Variants in ITGA8 observed in about 807,000 individuals in gnomAD.
The protein encoded by ITGA8 is integrin alpha-8.
A neutral mutation model predicts 142.3 loss-of-function variants in ITGA8; 91 were observed. The ratio of observed to expected loss-of-function variants is 0.64; its 90% CI spans 0.54 to 0.76. The LOEUF (loss-of-function observed/expected upper bound fraction) is 0.76, where lower values mean the gene tolerates loss of function less well. Ranked by LOEUF, ITGA8 falls within the 30% of genes least tolerant of loss-of-function variation. ITGA8 has a pLI of 0.00. For synonymous variants in ITGA8, 505 were observed against 485.2 expected, an observed-to-expected ratio of 1.04 and a Z score of -0.54; for missense variants, 1,406 against 1,327.7, an observed-to-expected ratio of 1.06 and a Z score of -0.92.
intron 6 of ITGA8, among the ~76,000 whole-genome samples, chr10:15,673,433 T>C (rs1421823369): frequency 1.3e-5 from 2 of 152,170 alleles, no homozygotes; most frequent in Non-Finnish European, 2.9e-5. Context: ...AGCTTTGAGA[T>C]CATTTGGTCA....
intron 2 of ITGA8, among the ~76,000 whole-genome samples, chr10:15,712,336 C>G (rs917562445): frequency 2.6e-5 from 4 of 152,130 alleles, no homozygotes; most frequent in African/African-American, 7.2e-5. Context: ...AATCCCAGCA[C>G]TTTGAGAGGC....
At chr10:15,587,786 G>C (rs1411613823) in intron 22 of ITGA8, among the ~76,000 whole-genome samples, 1 of 152,110 alleles carries the variant, frequency 6.6e-6, no homozygotes, top group African/African-American at 2.4e-5. Context: ...TAAGTTTGCT[G>C]GGGTTTTTTC....
intron 23 of ITGA8, among the ~76,000 whole-genome samples, chr10:15,576,721 G>T (rs1364548002): frequency 6.6e-6 from 1 of 152,158 alleles, no homozygotes; most frequent in East Asian, 1.9e-4. Flanking sequence ...TCTTTGGTTT[G>T]TGTACCACAA....
At chr10:15,634,049 C>T (rs929230091) in intron 13 of ITGA8, among the ~76,000 whole-genome samples, 2 of 152,152 alleles carry the variant, frequency 1.3e-5, no homozygotes, top group Non-Finnish European at 2.9e-5. Flanking sequence ...ATGCTGTGTT[C>T]CCCTTCTGAG....
chr10:15,592,387 C>T (rs1045331941), intron 21 of ITGA8, 83 bp from the exon 22 acceptor site: 6 of 988,056 alleles, frequency 6.1e-6, no homozygotes, highest in Non-Finnish European at 6.2e-6. Flanking sequence ...AAAACCCCAC[C>T]CTGGATCACT....
rs886639724 is a variant in ITGA8, at chr10:15,605,915, C to T, written c.1903-124G>A. On this transcript the variant is annotated intron_variant, in intron 18 of 29. Coordinates refer to ENST00000378076, the MANE Select transcript of ITGA8 (RefSeq NM_003638.3). ...TTTCCTCTCACTATGCATGACTCTA[C>T]CCAAGCCAATAGCCTACATTTCACA... 5.0e-6 allele frequency: 4 copies of T among 804,664 alleles called. No individual in the cohort carries two copies. In the African/African-American group the frequency reaches 6.9e-5, roughly 14 times the overall value. The allele number at this position is 804,664 out of a possible 1,614,324, so 49.8% of individuals were successfully genotyped here.
In ITGA8 at chr10:15,598,274, G is replaced by A. The variant is rs529224882; in HGVS notation, c.2119-975C>T. ...AATTTCTGTCCCTGTGATAGGTTCG[G>A]AAGAGGGTTCTCAATATAATGACCA... is the stretch of plus-strand genomic sequence containing the variant. On this transcript the variant is annotated intron_variant, in intron 20 of 29. Coordinates refer to ENST00000378076, the MANE Select transcript of ITGA8 (RefSeq NM_003638.3). 5.9e-5 allele frequency among the ~76,000 whole-genome samples: 9 copies of A among 152,302 alleles called. No homozygotes were observed. The East Asian group carries it at 1.2e-3, about 20-fold the overall frequency.
intron 12 of ITGA8, 79 bp downstream of exon 12, chr10:15,646,767 A>C: frequency 9.7e-7 from 1 of 1,035,846 alleles, no homozygotes; most frequent in Non-Finnish European, 1.5e-6. Context: ...CACCATACTG[A>C]ATACTTTAAA....
intron 20 of ITGA8, among the ~76,000 whole-genome samples, chr10:15,602,108 C>T (rs1050126820): frequency 3.3e-5 from 5 of 152,180 alleles, no homozygotes; most frequent in African/African-American, 1.2e-4. Context: ...GCTAAAAGAA[C>T]ATTTTAGAAT....
intron 28 of ITGA8, among the ~76,000 whole-genome samples, chr10:15,526,006 C>T (rs1366149564): frequency 2.0e-5 from 3 of 152,086 alleles, no homozygotes; most frequent in Non-Finnish European, 4.4e-5. Context: ...ATACTATCTA[C>T]TGCTTCAGTT....
chr10:15,645,024 G>A (rs1364594114), intron 12 of ITGA8, among the ~76,000 whole-genome samples: 1 of 149,766 alleles, frequency 6.7e-6, no homozygotes, highest in Non-Finnish European at 1.5e-5. Flanking sequence ...CCTGGGAGGT[G>A]GAGGTTGTGG....
At chr10:15,700,250 C>T (rs554223405) in intron 2 of ITGA8, among the ~76,000 whole-genome samples, 2 of 152,210 alleles carry the variant, frequency 1.3e-5, no homozygotes, top group South Asian at 2.1e-4. Context: ...TTTATAGTTC[C>T]ACCTCTGCAA....
intron 25 of ITGA8, 77 bp downstream of exon 25, chr10:15,572,134 T>A: frequency 7.8e-7 from 1 of 1,283,260 alleles, no homozygotes; most frequent in Non-Finnish European, 1.1e-6. Flanking sequence ...TCTTCTTTTT[T>A]AAACAAGCCC....
intron 8 of ITGA8, among the ~76,000 whole-genome samples, chr10:15,664,605 T>G (rs1211246650): frequency 6.6e-6 from 1 of 151,886 alleles, no homozygotes; most frequent in African/African-American, 2.4e-5. Context: ...CATGTTGGTG[T>G]GCTGCACCCA....
intron 13 of ITGA8, among the ~76,000 whole-genome samples, chr10:15,627,832 C>A (rs1455170021): frequency 1.3e-5 from 2 of 150,514 alleles, no homozygotes; most frequent in Non-Finnish European, 2.9e-5. Context: ...GGGCTGCATT[C>A]CCAGGTTAGT....
chr10:15,548,389 C>T, intron 27 of ITGA8, 66 bp downstream of exon 27: 1 of 1,089,902 alleles, frequency 9.2e-7, no homozygotes, highest in Non-Finnish European at 1.4e-6. Flanking sequence ...AAAAGACTTC[C>T]CACTGAGCTT....
At chr10:15,715,654 G>A (rs2131743225) in intron 2 of ITGA8, among the ~76,000 whole-genome samples, 1 of 152,350 alleles carries the variant, frequency 6.6e-6, no homozygotes, top group South Asian at 2.1e-4. Context: ...GTAGCGATCT[G>A]TAAATGGGAT....
intron 2 of ITGA8, among the ~76,000 whole-genome samples, chr10:15,700,184 A>T (rs911741554): frequency 1.3e-5 from 2 of 152,212 alleles, no homozygotes; most frequent in Non-Finnish European, 2.9e-5. Context: ...TTATTTCAAT[A>T]TGAAAAGCCA....
intron 2 of ITGA8, among the ~76,000 whole-genome samples, chr10:15,692,463 A>G (rs1018816884): frequency 6.6e-6 from 1 of 151,586 alleles, no homozygotes; most frequent in Non-Finnish European, 1.5e-5. Flanking sequence ...TTGAATCTAC[A>G]CTTCAGTTAT....
Sources: gnomAD v4.1 joint callset for allele counts (sites outside exome capture counted in the v4.1 genomes callset) on GRCh38, gnomAD v4.1.1 for gene constraint, MANE v1.5 for transcripts, NCBI Gene and HGNC (gene_info 2026-07-23, HGNC 2026-07-21) for gene names.